The following CACNG3 variants were observed in gnomAD, a reference collection of about 807,000 sequenced individuals.
The protein encoded by CACNG3 is calcium voltage-gated channel auxiliary subunit gamma 3.
CACNG3 carries 3 observed loss-of-function variants against 28.5 expected under a neutral mutation model. The observed-to-expected ratio is 0.11, with a 90% CI of 0.05 to 0.27. CACNG3 has a LOEUF of 0.27. Among genes scored for constraint, CACNG3 ranks in the 10% least tolerant of loss-of-function variants. CACNG3 has a pLI of 1.00. For missense variants in CACNG3, 236 were observed against 414.4 expected (o/e 0.57, Z 3.74); for synonymous variants, 174 against 162.2 (o/e 1.07, Z -0.55).
At chr16:24,261,008 T>C (rs1163432005) in intron 1 of CACNG3, among the ~76,000 whole-genome samples, 1 of 152,202 alleles carries the variant, frequency 6.6e-6, no homozygotes, top group African/African-American at 2.4e-5. Flanking sequence ...ACCACCAGTC[T>C]AGTAGTGAGG....
intron 1 of CACNG3, among the ~76,000 whole-genome samples, chr16:24,334,797 C>G (rs1899679350): frequency 6.6e-6 from 1 of 152,192 alleles, no homozygotes; most frequent in African/African-American, 2.4e-5. Flanking sequence ...GGTCTATTCC[C>G]TCCCGGGAGT....
intron 1 of CACNG3, among the ~76,000 whole-genome samples, chr16:24,324,236 G>A (rs540435631): frequency 2.0e-5 from 3 of 152,270 alleles, no homozygotes; most frequent in Admixed American, 6.5e-5. Flanking sequence ...ATTTGAACCC[G>A]CATCTGCCTT....
chr16:24,306,340 G>T (rs2141362436), intron 1 of CACNG3, among the ~76,000 whole-genome samples: 1 of 152,338 alleles, frequency 6.6e-6, no homozygotes, highest in East Asian at 1.9e-4. Flanking sequence ...TGAACAAGGT[G>T]AAAAGGCTGA....
At chr16:24,340,172 G>A (rs1330964447) in intron 1 of CACNG3, among the ~76,000 whole-genome samples, 2 of 152,154 alleles carry the variant, frequency 1.3e-5, no homozygotes, top group South Asian at 4.1e-4. Context: ...ATGGGAGGCT[G>A]AGGTGGGAGG....
At chr16:24,288,684 G>A (rs1245619263) in intron 1 of CACNG3, among the ~76,000 whole-genome samples, 1 of 152,122 alleles carries the variant, frequency 6.6e-6, no homozygotes, top group Non-Finnish European at 1.5e-5. Flanking sequence ...TCTGTGCTTG[G>A]CACAGCCTGC....
intron 1 of CACNG3, among the ~76,000 whole-genome samples, chr16:24,326,728 T>C (rs576518522): frequency 1.3e-5 from 2 of 152,254 alleles, no homozygotes; most frequent in Non-Finnish European, 2.9e-5. Context: ...CACCTCACTC[T>C]CTGCACAGGC....
intron 1 of CACNG3, among the ~76,000 whole-genome samples, chr16:24,345,213 G>T (rs1360944595): frequency 6.6e-6 from 1 of 152,086 alleles, no homozygotes; most frequent in East Asian, 1.9e-4. Flanking sequence ...GTCTGATTCC[G>T]AACCTTGTCC....
At chr16:24,317,006 G>C (rs78810698) in intron 1 of CACNG3, among the ~76,000 whole-genome samples, 3,637 of 152,166 alleles carry the variant, frequency 0.024, 128 homozygotes, top group African/African-American at 0.073. Context: ...ATAATACCTA[G>C]GACAGAGGCA....
chr16:24,310,784 T>G (rs753658049), intron 1 of CACNG3, among the ~76,000 whole-genome samples: 2 of 152,156 alleles, frequency 1.3e-5, no homozygotes. Context: ...GATTTGAACC[T>G]GGATAGTCTG....
chr16:24,326,946 A>T (rs1306939297), intron 1 of CACNG3, among the ~76,000 whole-genome samples: 1 of 151,996 alleles, frequency 6.6e-6, no homozygotes, highest in Non-Finnish European at 1.5e-5. Flanking sequence ...AATGACGCTA[A>T]CTGGAGGCTC....
intron 1 of CACNG3, among the ~76,000 whole-genome samples, chr16:24,335,201 C>T (rs1171820997): frequency 2.0e-5 from 3 of 152,106 alleles, no homozygotes; most frequent in African/African-American, 7.2e-5. Flanking sequence ...AGGCAGATCA[C>T]CTGAGGTCAG....
At position 24,346,998 on chromosome 16, in the gene CACNG3, T is replaced by G. The variant is rs190141813; in HGVS notation, c.295+181T>G. 9.2e-5 allele frequency among the ~76,000 whole-genome samples: 14 copies of G among 152,124 alleles called. No individual in the cohort carries two copies. In the East Asian group the frequency reaches 2.3e-3, roughly 25 times the overall value. ...GTTCTGAGAGCTAAGCCTCTTTAGT[T>G]TCAATGAATTAGAAACAGAAAGAAG... On this transcript the variant is annotated intron_variant, in intron 2 of 3. Coordinates refer to ENST00000005284, the MANE Select transcript of CACNG3 (RefSeq NM_006539.4).
chr16:24,264,277 T>C lies in CACNG3; in HGVS notation c.211+7312T>C, dbSNP rs180968760. Among the ~76,000 whole-genome samples, 711 of 152,326 alleles carry C rather than the reference T, an allele frequency of 4.7e-3. 16 individuals are homozygous for C. Among genetic ancestry groups the C allele is most frequent in the Admixed American group, 3.9e-3 (60 of 15,302 alleles). On this transcript the variant is annotated intron_variant, in intron 1 of 3. Coordinates refer to ENST00000005284, the MANE Select transcript of CACNG3 (RefSeq NM_006539.4). The stretch of plus-strand genomic sequence containing the variant: ...AGCCCACGCTCCGCTCACCAAACCA[T>C]GCACCTTGGTTCCGAACTGACTCTA...
intron 1 of CACNG3, among the ~76,000 whole-genome samples, chr16:24,325,189 G>A (rs1162591928): frequency 6.6e-6 from 1 of 152,174 alleles, no homozygotes; most frequent in Non-Finnish European, 1.5e-5. Flanking sequence ...TTTAATATCA[G>A]CCAATTCTTT....
rs142339736 is a variant in CACNG3, at chr16:24,362,321, A to G, written c.*458A>G. The G allele has an allele frequency of 6.4e-6, 1 of 157,244 alleles. No individual in the cohort carries two copies. Among genetic ancestry groups the G allele is most frequent in the Non-Finnish European group, 1.4e-5 (1 of 71,022 alleles). The allele number at this position is 157,244 out of a possible 1,614,324, so 9.7% of individuals were successfully genotyped here. On this transcript the variant is annotated 3_prime_UTR_variant, in exon 4 of 4. Transcript: ENST00000005284. The stretch of plus-strand genomic sequence containing the variant: ...AGGCATTCACCTTTATGTGTTAGAA[A>G]AACATGACCAGAAATCAAAGATGTC...
chr16:24,311,552 T>C (rs1042764210), intron 1 of CACNG3, among the ~76,000 whole-genome samples: 4 of 147,842 alleles, frequency 2.7e-5, no homozygotes, highest in East Asian at 4.0e-4. Context: ...GCTTTTACAG[T>C]ATGTGATAAA....
chr16:24,361,278 A>C lies in CACNG3; in HGVS notation c.437-74A>C. On this transcript the variant is annotated intron_variant, in intron 3 of 3. Transcript: ENST00000005284. This position sits in a 1 kb window ranked among gnomAD's most constrained non-coding sequence, Gnocchi z 6.8. ...CCCATTACCTCCACATTTTCTATAA[A>C]TATTTTAAGATGGAAAGTGACAGTT... is the stretch of plus-strand genomic sequence containing the variant. 2 of 1,212,018 alleles carry C rather than the reference A, an allele frequency of 1.7e-6. No individual in the cohort carries two copies. Among genetic ancestry groups the C allele is most frequent in the African/African-American group, 1.5e-5 (1 of 65,710 alleles). The allele number at this position is 1,212,018 out of a possible 1,614,324, so 75.1% of individuals were successfully genotyped here. A position where few individuals can be genotyped will look rare whatever the true frequency, so the allele number is the denominator to read the frequency against.
At chr16:24,360,812 C>T (rs1216879222) in intron 3 of CACNG3, among the ~76,000 whole-genome samples, 1 of 152,166 alleles carries the variant, frequency 6.6e-6, no homozygotes, top group Non-Finnish European at 1.5e-5. Context: ...TCCTGGCTCA[C>T]CCCTATTTGA....
chr16:24,317,914 C>A (rs953198027), intron 1 of CACNG3, among the ~76,000 whole-genome samples: 35 of 152,154 alleles, frequency 2.3e-4, no homozygotes, highest in Admixed American at 2.2e-3. Context: ...AGCCTCTGGG[C>A]CTGTGCACTT....
Sources: gnomAD v4.1 joint callset for allele counts (sites outside exome capture counted in the v4.1 genomes callset) on GRCh38, gnomAD v4.1.1 for gene constraint, Gnocchi (gnomAD v3.1) non-coding constraint, MANE v1.5 for transcripts, NCBI Gene and HGNC (gene_info 2026-07-23, HGNC 2026-07-21) for gene names.